Variants in TP53I11 observed in about 807,000 individuals in gnomAD.
TP53I11 encodes the protein tumor protein p53-inducible protein 11.
In TP53I11, 9 loss-of-function variants were observed where a neutral mutation model predicts 23.3. The observed-to-expected ratio is 0.39, with a 90% CI of 0.23 to 0.67. The LOEUF (loss-of-function observed/expected upper bound fraction) is 0.67, where lower values mean the gene tolerates loss of function less well. Among genes scored for constraint, TP53I11 ranks in the 30% least tolerant of loss-of-function variants. TP53I11 has a pLI of 0.48. For synonymous variants in TP53I11, 100 were observed against 106.1 expected (o/e 0.94, Z 0.35); for missense variants, 170 against 255.2 (o/e 0.67, Z 2.27).
At chr11:44,937,018 A>C in intron 4 of TP53I11, 119 bp from the exon 5 acceptor site, 1 of 818,446 alleles carries the variant, frequency 1.2e-6, no homozygotes, top group African/African-American at 1.7e-5. Context: ...CCTTGGGGGC[A>C]GTCCAGGGTC....
chr11:44,940,883 TCCA>T (rs1861684670), intron 1 of TP53I11: 1 of 152,228 alleles, frequency 6.6e-6, no homozygotes, highest in African/African-American at 2.4e-5. Flanking sequence ...TTCCAGTTCC[TCCA>T]CATCCTCACC....
In TP53I11 at chr11:44,944,504, C is replaced by T. The variant is rs562092678; in HGVS notation, c.-31-6138G>A. On this transcript the variant is annotated intron_variant, in intron 1 of 6. Transcript: ENST00000525680. ...CTCCACATGCTTCCCAGGGGCGAGG[C>T]GGGAACAAGCAAAGTCCCCAAGACT... Among the ~76,000 whole-genome samples the T allele has an allele frequency of 5.8e-4, 88 of 152,220 alleles. 1 individual carries two copies. The highest frequency in any genetic ancestry group is 2.0e-3 in the African/African-American group (83 of 41,518).
chr11:44,933,075 A>T lies in TP53I11; in HGVS notation c.*1809T>A, dbSNP rs931013888. The T allele has an allele frequency of 3.6e-5, 3 of 84,048 alleles. No individual in the cohort carries two copies. Among genetic ancestry groups the T allele is most frequent in the African/African-American group, 1.3e-4 (3 of 22,384 alleles). The allele number at this position is 84,048 out of a possible 1,614,324, so 5.2% of individuals were successfully genotyped here. On this transcript the variant is annotated 3_prime_UTR_variant, in exon 7 of 7. Transcript: ENST00000525680. ...GCTCGTGGCCAGACCAGGGCTCGGC[A>T]GCAGGGAGGCAGCTCTTTAGGGAGA...
rs374672478 is a variant in TP53I11, at chr11:44,936,308, T to C, written c.334+495A>G. 1.3e-3 allele frequency: 1,536 copies of C among 1,172,608 alleles called. 53 individuals are homozygous for C. The South Asian group carries it at 0.057, about 43-fold the overall frequency. The allele number at this position is 1,172,608 out of a possible 1,614,324, so 72.6% of individuals were successfully genotyped here. ...CAATAGGGAGCCATAGAATATTTCG[T>C]AGAAATAGAGGCATATTACCTATGC... On this transcript the variant is annotated intron_variant, in intron 5 of 6. Coordinates refer to ENST00000525680, the MANE Select transcript of TP53I11 (RefSeq NM_006034.5). This position sits in a 1 kb window ranked among gnomAD's most constrained non-coding sequence, Gnocchi z 4.4.
Position 44,932,776 on chromosome 11 carries a change from C to T in TP53I11, c.*2108G>A, listed in dbSNP as rs1478246287. 1.3e-5 allele frequency: 2 copies of T among 152,372 alleles called. No homozygotes were observed. The highest frequency in any genetic ancestry group is 6.5e-5 in the Admixed American group (1 of 15,280). 9.4% of individuals were successfully genotyped at this position (152,372 alleles called of 1,614,324 possible). A position where few individuals can be genotyped will look rare whatever the true frequency, so the allele number is the denominator to read the frequency against. On this transcript the variant is annotated 3_prime_UTR_variant, in exon 7 of 7. Coordinates refer to ENST00000525680, the MANE Select transcript of TP53I11 (RefSeq NM_006034.5). ...CAAGCCACCCAGTATTTTGTGAGCA[C>T]AGCTGTGTGCCAGAGCCTGGACAGC...
Position 44,933,096 on chromosome 11 carries a change from G to A in TP53I11, c.*1788C>T, listed in dbSNP as rs1327406038. The A allele has an allele frequency of 6.6e-6, 1 of 152,168 alleles. No individual in the cohort carries two copies. Among genetic ancestry groups the A allele is most frequent in the Non-Finnish European group, 1.5e-5 (1 of 68,130 alleles). The allele number at this position is 152,168 out of a possible 1,614,324, so 9.4% of individuals were successfully genotyped here. On this transcript the variant is annotated 3_prime_UTR_variant, in exon 7 of 7. Transcript: ENST00000525680. ...CGGCAGCAGGGAGGCAGCTCTTTAG[G>A]GAGAGGCACAGGCTTAGGTAGCAAG...
chr11:44,942,145 TCA>T (rs899813675), intron 1 of TP53I11, among the ~76,000 whole-genome samples: 1 of 14,082 alleles, frequency 7.1e-5, no homozygotes, highest in East Asian at 2.5e-3. Context: ...CACACATACA[TCA>T]CACACACCCA....
chr11:44,944,798 G>A (rs770766923), intron 1 of TP53I11, among the ~76,000 whole-genome samples: 115 of 152,210 alleles, frequency 7.6e-4, no homozygotes, highest in Non-Finnish European at 1.4e-3. Flanking sequence ...CCTGGCCTCT[G>A]GTGTGTACTC....
chr11:44,944,602 A>T (rs1470866823), intron 1 of TP53I11, among the ~76,000 whole-genome samples: 1 of 152,182 alleles, frequency 6.6e-6, no homozygotes, highest in Non-Finnish European at 1.5e-5. Flanking sequence ...GGAGGTGGTA[A>T]GCATATTTGT....
rs747004343 is a variant in TP53I11, at chr11:44,935,593, G to A, written c.404C>T (p.Thr135Ile). 1.2e-6 allele frequency: 2 copies of A among 1,613,878 alleles called. No homozygotes were observed. The highest frequency in any genetic ancestry group is 8.5e-7 in the Non-Finnish European group (1 of 1,179,894). Residue 135 changes from threonine (T) to isoleucine (I), a missense_variant, in exon 6 of 7, where the codon ACC (threonine) becomes ATC (isoleucine). Transcript: ENST00000525680. ...EKVIIRWTLL[T>I]EACYFGVQFL... ...CTGGACCCCGAAATAGCAAGCTTCG[G>A]TGAGCAGGGTCCATCGAATGATGAC...
chr11:44,944,988 C>CA (rs756472192), intron 1 of TP53I11, among the ~76,000 whole-genome samples: 33 of 152,326 alleles, frequency 2.2e-4, no homozygotes, highest in Admixed American at 4.6e-4. Flanking sequence ...CTGTCCCCAG[C>CA]ATGAAGACTA....
Position 44,941,311 on chromosome 11 carries a change from G to T in TP53I11, c.-31-2945C>A, listed in dbSNP as rs537597686. On this transcript the variant is annotated intron_variant, in intron 1 of 6. Transcript: ENST00000525680. The stretch of plus-strand genomic sequence containing the variant: ...TCTGAGCTCCGGGGTCCTCATCTGT[G>T]AAACGAAAACAGCCAACCTCACTTT... Among the ~76,000 whole-genome samples the T allele has an allele frequency of 5.3e-5, 8 of 152,310 alleles. No individual in the cohort carries two copies. In the East Asian group the frequency reaches 1.4e-3, roughly 26 times the overall value.
chr11:44,937,263 C>T, intron 4 of TP53I11, 41 bp downstream of exon 4: 1 of 1,537,376 alleles, frequency 6.5e-7, no homozygotes, highest in Non-Finnish European at 8.8e-7. Context: ...CTGAGGGAGC[C>T]ACACGGGGCC....
At chr11:44,945,612 T>A (rs1862311630) in intron 1 of TP53I11, among the ~76,000 whole-genome samples, 1 of 152,134 alleles carries the variant, frequency 6.6e-6, no homozygotes, top group African/African-American at 2.4e-5. Context: ...CCAGCCTCCC[T>A]TGGGTTAAGG....
At chr11:44,938,103 C>T (rs867217776) in intron 2 of TP53I11, 104 bp downstream of exon 2, 3 of 1,427,248 alleles carry the variant, frequency 2.1e-6, no homozygotes, top group Non-Finnish European at 2.8e-6. Context: ...CAGCTAAGTC[C>T]TAGAACTCCT....
At chr11:44,947,216 T>C in intron 1 of TP53I11, 1 of 439,118 alleles carries the variant, frequency 2.3e-6, no homozygotes, top group South Asian at 1.6e-5. Context: ...GTCATTCACA[T>C]GGGCAGAACA....
chr11:44,944,647 C>T (rs1862216380), intron 1 of TP53I11, among the ~76,000 whole-genome samples: 1 of 152,130 alleles, frequency 6.6e-6, no homozygotes, highest in Non-Finnish European at 1.5e-5. Context: ...AATCCCTGCT[C>T]CTCTTTATTG....
chr11:44,936,931 G>A lies in TP53I11; in HGVS notation c.238-32C>T, dbSNP rs142666422. 1,336 of 1,502,340 alleles carry A rather than the reference G, an allele frequency of 8.9e-4. 10 individuals are homozygous for A. In the African/African-American group the frequency reaches 0.017, roughly 19 times the overall value. 93.1% of individuals were successfully genotyped at this position (1,502,340 alleles called of 1,614,324 possible). On this transcript the variant is annotated intron_variant, in intron 4 of 6. Transcript: ENST00000525680. This position sits in a 1 kb window ranked among gnomAD's most constrained non-coding sequence, Gnocchi z 4.4. ...GCAGCGAGAGGGGCTCAGAGGTCCC[G>A]CTTGGGAGAGGGTGGGGGGTGACAG...
chr11:44,950,105 T>A, intron 1 of TP53I11: 1 of 152,256 alleles, frequency 6.6e-6, no homozygotes, highest in East Asian at 1.9e-4. Context: ...GCCAGACTTG[T>A]GGGCAGCGGG....
Sources: allele counts gnomAD v4.1 joint callset (sites outside exome capture counted in the v4.1 genomes callset), GRCh38; gene constraint gnomAD v4.1.1; non-coding constraint Gnocchi (gnomAD v3.1); transcripts MANE v1.5; gene names NCBI Gene and HGNC (gene_info 2026-07-23, HGNC 2026-07-21).